Variants in YTHDF3 observed in about 807,000 individuals in gnomAD.
YTHDF3 encodes the protein YTH N6-methyladenosine RNA binding protein F3, also known as YTH domain-containing family protein 3.
YTHDF3 carries 9 observed loss-of-function variants against 52.5 expected under a neutral mutation model. The ratio of observed to expected loss-of-function variants is 0.17; its 90% confidence interval spans 0.10 to 0.30. YTHDF3 has a LOEUF of 0.30. Ranked by LOEUF, YTHDF3 falls within the 10% of genes least tolerant of loss-of-function variation. The pLI, the probability that YTHDF3 is intolerant of heterozygous loss-of-function variation, is 1.00. For synonymous variants in YTHDF3, 274 were observed against 243.3 expected, an observed-to-expected ratio of 1.13 and a Z score of -1.18; for missense variants, 534 against 715.0, an observed-to-expected ratio of 0.75 and a Z score of 2.89.
intron 3 of YTHDF3, among the ~76,000 whole-genome samples, chr8:63,176,415 G>A (rs1369499232): frequency 6.6e-6 from 1 of 152,024 alleles, no homozygotes; most frequent in Non-Finnish European, 1.5e-5. Context: ...GAGTAGCTGG[G>A]ACTACAGGCG....
chr8:63,173,774 T>A, intron 2 of YTHDF3: 1 of 665,924 alleles, frequency 1.5e-6, no homozygotes, highest in Non-Finnish European at 1.9e-6. Flanking sequence ...TGGTTTCTAG[T>A]GGCTATTACA....
At chr8:63,188,702 T>TATATATATATA (rs71255383) in intron 4 of YTHDF3, 6 of 44,774 alleles carry the variant, frequency 1.3e-4, no homozygotes, top group East Asian at 2.2e-3. Context: ...TATATATATA[T>TATATATATATA]TTTTTTTTTT....
Position 63,211,026 on chromosome 8 carries a change from G to A in YTHDF3, c.*1320G>A, listed in dbSNP as rs1810343484. 6.6e-6 allele frequency: 1 copy of A among 152,482 alleles called. No homozygotes were observed. The highest frequency in any genetic ancestry group is 1.5e-5 in the Non-Finnish European group (1 of 67,968). 9.4% of individuals were successfully genotyped at this position (152,482 alleles called of 1,614,324 possible). A position where few individuals can be genotyped will look rare whatever the true frequency, so the allele number is the denominator to read the frequency against. Reference sequence around the variant, plus strand: ...GAAAGATACATTAAGGGTGAAAATAGCAATACAGTAGATTTGAATACCTTG... The same window carrying A: ...GAAAGATACATTAAGGGTGAAAATAACAATACAGTAGATTTGAATACCTTG... On this transcript the variant is annotated 3_prime_UTR_variant, in exon 5 of 5. Coordinates refer to ENST00000539294, the MANE Select transcript of YTHDF3 (RefSeq NM_152758.6).
At chr8:63,176,615 A>G (rs928282414) in intron 3 of YTHDF3, among the ~76,000 whole-genome samples, 2 of 151,614 alleles carry the variant, frequency 1.3e-5, no homozygotes, top group East Asian at 2.0e-4. Context: ...TTTATGATTA[A>G]TTTGATTAGA....
rs1305217622 is a variant in YTHDF3, at chr8:63,210,849, TTACA to T, written c.*1146_*1149del. ...TTTAACATCTTATTTTTTTCATTAA[TTACA>T]TATCAACATTAATTTTGTATCTTGA... On this transcript the variant is annotated 3_prime_UTR_variant, in exon 5 of 5. Coordinates refer to ENST00000539294, the MANE Select transcript of YTHDF3 (RefSeq NM_152758.6). 1 of 152,598 alleles carries T rather than the reference TTACA, an allele frequency of 6.6e-6. No homozygotes were observed. The highest frequency in any genetic ancestry group is 1.5e-5 in the Non-Finnish European group (1 of 67,992). The allele number at this position is 152,598 out of a possible 1,614,324, so 9.5% of individuals were successfully genotyped here. A position where few individuals can be genotyped will look rare whatever the true frequency, so the allele number is the denominator to read the frequency against.
At position 63,180,880 on chromosome 8, in the gene YTHDF3, AG is replaced by A. The variant is rs563587138; in HGVS notation, c.136-5265del. On this transcript the variant is annotated intron_variant, in intron 3 of 4. Coordinates refer to ENST00000539294, the MANE Select transcript of YTHDF3 (RefSeq NM_152758.6). Reference sequence around the variant, plus strand: ...TCGCAGGCACTCGGCAGGCTGAGGCAGGAGAATCAGGCAGGGAGGTTGCAGT... The same window carrying A: ...TCGCAGGCACTCGGCAGGCTGAGGCAGAGAATCAGGCAGGGAGGTTGCAGT... Among the ~76,000 whole-genome samples, 428 of 152,230 alleles carry A rather than the reference AG, an allele frequency of 2.8e-3. 2 individuals carry two copies. Among genetic ancestry groups the A allele is most frequent in the Middle Eastern group, 0.01 (3 of 294 alleles).
intron 4 of YTHDF3, chr8:63,189,131 AGAT>A (rs969749650): frequency 2.0e-5 from 3 of 152,218 alleles, no homozygotes; most frequent in Admixed American, 6.5e-5. Context: ...ACCCTCTGTA[AGAT>A]TGAGGGAGAC....
intron 4 of YTHDF3, among the ~76,000 whole-genome samples, chr8:63,200,471 TC>T (rs1177131374): frequency 3.9e-5 from 6 of 151,932 alleles, no homozygotes; most frequent in Non-Finnish European, 8.8e-5. Context: ...GGATTGAACA[TC>T]TGCTGAATTC....
At chr8:63,171,320 G>A (rs920012369) in intron 2 of YTHDF3, among the ~76,000 whole-genome samples, 2 of 152,110 alleles carry the variant, frequency 1.3e-5, no homozygotes, top group African/African-American at 4.8e-5. Flanking sequence ...CCTATAGTAT[G>A]TTGTTAGGAT....
At chr8:63,184,592 T>A (rs1808376498) in intron 3 of YTHDF3, among the ~76,000 whole-genome samples, 2 of 152,180 alleles carry the variant, frequency 1.3e-5, no homozygotes, top group Non-Finnish European at 2.9e-5. Flanking sequence ...TCAAAAATAA[T>A]TTAAAATTAG....
intron 4 of YTHDF3, among the ~76,000 whole-genome samples, chr8:63,190,002 A>G (rs1056545896): frequency 6.6e-6 from 1 of 152,240 alleles, no homozygotes; most frequent in Non-Finnish European, 1.5e-5. Context: ...TAAAGTGGTC[A>G]TATTGTAACT....
At chr8:63,185,461 G>A (rs997591247) in intron 3 of YTHDF3, among the ~76,000 whole-genome samples, 3 of 152,080 alleles carry the variant, frequency 2.0e-5, no homozygotes, top group Non-Finnish European at 2.9e-5. Context: ...TGGGGAAGAG[G>A]AGAGTATAAA....
chr8:63,178,087 G>A (rs979001976), intron 3 of YTHDF3, among the ~76,000 whole-genome samples: 3 of 152,102 alleles, frequency 2.0e-5, no homozygotes, highest in Admixed American at 1.3e-4. Context: ...GAATTTTAGT[G>A]GACTGTAAAA....
chr8:63,195,853 T>C (rs1809203985), intron 4 of YTHDF3, among the ~76,000 whole-genome samples: 1 of 151,710 alleles, frequency 6.6e-6, no homozygotes, highest in African/African-American at 2.4e-5. Context: ...CAGGCTGGAG[T>C]GCAGTGGTGT....
intron 3 of YTHDF3, among the ~76,000 whole-genome samples, chr8:63,176,064 T>G (rs536885156): frequency 6.6e-6 from 1 of 152,222 alleles, no homozygotes; most frequent in African/African-American, 2.4e-5. Flanking sequence ...AATTTAAACA[T>G]TGAAGAACAA....
chr8:63,168,960 C>T lies in YTHDF3; in HGVS notation c.24+59C>T, dbSNP rs932578873. On this transcript the variant is annotated intron_variant, in intron 1 of 4. Transcript: ENST00000539294. Reference sequence around the variant, plus strand: ...CCCGAGCCCCGGAGCTCCACCCTCGCGCGGGGCTTCGGCTCCTCCCCGTCG... The same window carrying T: ...CCCGAGCCCCGGAGCTCCACCCTCGTGCGGGGCTTCGGCTCCTCCCCGTCG... 12 of 1,529,834 alleles carry T rather than the reference C, an allele frequency of 7.8e-6. No individual in the cohort carries two copies. The African/African-American group carries it at 1.7e-4, about 22-fold the overall frequency. The allele number at this position is 1,529,834 out of a possible 1,614,324, so 94.8% of individuals were successfully genotyped here.
chr8:63,178,066 T>A (rs1389602652), intron 3 of YTHDF3, among the ~76,000 whole-genome samples: 1 of 152,216 alleles, frequency 6.6e-6, no homozygotes, highest in African/African-American at 2.4e-5. Context: ...CCATTCAAAC[T>A]CTTTTTTAAG....
intron 4 of YTHDF3, among the ~76,000 whole-genome samples, chr8:63,191,637 T>TC (rs1333886389): frequency 2.0e-5 from 3 of 152,206 alleles, no homozygotes; most frequent in Non-Finnish European, 4.4e-5. Flanking sequence ...ATTGTAAATT[T>TC]CCTTGACCAG....
rs1016750764 is a variant in YTHDF3 at position 63,180,179 on chromosome 8, G to A, written c.135+4763G>A. 2.6e-5 allele frequency among the ~76,000 whole-genome samples: 4 copies of A among 151,918 alleles called. No individual in the cohort carries two copies. The South Asian group carries it at 6.2e-4, about 24-fold the overall frequency. On this transcript the variant is annotated intron_variant, in intron 3 of 4. Transcript: ENST00000539294. ...CGGAGGGGCTCCTCACTTCTCAGAC[G>A]GGGCGGCTTCCGGGCGGAGGGGCGC...
Sources: allele counts gnomAD v4.1 joint callset (sites outside exome capture counted in the v4.1 genomes callset), GRCh38; gene constraint gnomAD v4.1.1; transcripts MANE v1.5; gene names NCBI Gene and HGNC (gene_info 2026-07-23, HGNC 2026-07-21).